Variants in SLC25A21 observed in about 807,000 individuals in gnomAD.
SLC25A21 encodes the protein mitochondrial 2-oxodicarboxylate carrier.
SLC25A21 carries 47 observed loss-of-function variants against 43.8 expected under a neutral mutation model. The observed-to-expected ratio is 1.07, with a 90% CI of 0.85 to 1.37. SLC25A21 has a LOEUF of 1.37. SLC25A21 is among the 40% of genes most tolerant of loss of function. The probability of loss-of-function intolerance (pLI) is 0.00; values close to 1 mark genes in which losing one functional copy is unlikely to be tolerated. For synonymous variants in SLC25A21, 131 were observed against 121.3 expected, an observed-to-expected ratio of 1.08 and a Z score of -0.52; for missense variants, 352 against 350.2, an observed-to-expected ratio of 1.00 and a Z score of -0.04.
intron 1 of SLC25A21, among the ~76,000 whole-genome samples, chr14:37,013,151 G>A (rs1273877495): frequency 6.6e-6 from 1 of 152,194 alleles, no homozygotes; most frequent in East Asian, 1.9e-4. Context: ...GAGAAATGCT[G>A]TTCTATGGGT....
At chr14:36,885,175 G>C (rs1890878527) in intron 1 of SLC25A21, among the ~76,000 whole-genome samples, 1 of 152,158 alleles carries the variant, frequency 6.6e-6, no homozygotes. Context: ...TCACTGTTCT[G>C]CACGTGGATA....
At chr14:36,686,352 C>G (rs1398031598) in intron 7 of SLC25A21, among the ~76,000 whole-genome samples, 2 of 152,106 alleles carry the variant, frequency 1.3e-5, no homozygotes, top group African/African-American at 2.4e-5. Context: ...CCTCTCCCCC[C>G]ATTTTTTCTC....
At chr14:37,087,372 C>T (rs1293593708) in intron 1 of SLC25A21, among the ~76,000 whole-genome samples, 1 of 152,126 alleles carries the variant, frequency 6.6e-6, no homozygotes, top group African/African-American at 2.4e-5. Context: ...AACTCAAGTT[C>T]CTTTTGGAGA....
At chr14:36,961,724 C>T (rs973752134) in intron 1 of SLC25A21, among the ~76,000 whole-genome samples, 14 of 152,076 alleles carry the variant, frequency 9.2e-5, no homozygotes, top group African/African-American at 3.1e-4. Flanking sequence ...AAATATAGGT[C>T]CTTTCAGAGT....
rs531549836 is a variant in SLC25A21, at chr14:37,125,859, A to C, written c.70+46422T>G. 2.0e-5 allele frequency among the ~76,000 whole-genome samples: 3 copies of C among 152,298 alleles called. No individual in the cohort carries two copies. In the East Asian group the frequency reaches 5.8e-4, roughly 29 times the overall value. On this transcript the variant is annotated intron_variant, in intron 1 of 9. Coordinates refer to ENST00000331299, the MANE Select transcript of SLC25A21 (RefSeq NM_030631.4). The stretch of plus-strand genomic sequence containing the variant: ...GCTGTGGCAAGATTTCATTGTACTG[A>C]GTAAGTGTCAAAAGGAATCCCAGGT...
At chr14:37,166,180 C>A (rs1007339232) in intron 1 of SLC25A21, among the ~76,000 whole-genome samples, 1 of 152,204 alleles carries the variant, frequency 6.6e-6, no homozygotes, top group African/African-American at 2.4e-5. Flanking sequence ...GCTCTCATGT[C>A]CAGATCCCTT....
At chr14:36,915,879 G>C (rs2138617749) in intron 1 of SLC25A21, among the ~76,000 whole-genome samples, 1 of 152,222 alleles carries the variant, frequency 6.6e-6, no homozygotes, top group South Asian at 2.1e-4. Flanking sequence ...GACCCTGAAG[G>C]ACATGGCCCT....
chr14:36,954,697 A>T (rs1566767553), intron 1 of SLC25A21, among the ~76,000 whole-genome samples: 1 of 152,184 alleles, frequency 6.6e-6, no homozygotes, highest in South Asian at 2.1e-4. Flanking sequence ...ACACAAAAAA[A>T]TGATAAATAT....
At chr14:36,819,386 A>T (rs1287763548) in intron 2 of SLC25A21, among the ~76,000 whole-genome samples, 2 of 150,324 alleles carry the variant, frequency 1.3e-5, no homozygotes, top group East Asian at 3.9e-4. Context: ...TAATTGAAGC[A>T]TTTTTTTTTT....
chr14:37,119,635 T>C lies in SLC25A21; in HGVS notation c.70+52646A>G, dbSNP rs552575565. 5.3e-5 allele frequency among the ~76,000 whole-genome samples: 8 copies of C among 152,308 alleles called. No individual in the cohort carries two copies. The East Asian group carries it at 1.5e-3, about 29-fold the overall frequency. On this transcript the variant is annotated intron_variant, in intron 1 of 9. Transcript: ENST00000331299. ...GCAGCCCACGCCGCTGCTCTGCCTA[T>C]GGAGTAGCCACTATTTATTCCTTTA...
intron 7 of SLC25A21, among the ~76,000 whole-genome samples, chr14:36,689,100 A>G (rs774722358): frequency 6.6e-6 from 1 of 152,254 alleles, no homozygotes; most frequent in Non-Finnish European, 1.5e-5. Context: ...CTGGACTTAC[A>G]GTTCCACATG....
intron 1 of SLC25A21, among the ~76,000 whole-genome samples, chr14:36,888,438 C>T (rs1039323031): frequency 4.6e-5 from 7 of 152,012 alleles, no homozygotes. Flanking sequence ...CTCTACTGTG[C>T]AGAAGTTTCT....
chr14:36,959,777 T>C (rs1412198157), intron 1 of SLC25A21, among the ~76,000 whole-genome samples: 1 of 152,170 alleles, frequency 6.6e-6, no homozygotes, highest in Non-Finnish European at 1.5e-5. Context: ...TTTGTAATAA[T>C]ATTATCAGCA....
Position 36,734,573 on chromosome 14 carries a change from C to A in SLC25A21, c.204G>T (p.Gly68=). The change falls in exon 4 of 10, where the codon GGG becomes GGT. Residue 68 remains glycine, a splice_region_variant and synonymous_variant. Transcript: ENST00000331299. ...GAATTCCCTTGTAAAAACCAAATAA[C>A]CTGTTGGAGAAATAAAAGATTTCCT... ...DSFRMIFQME[G]LFGFYKGILP... is the part of the protein sequence containing the mutation. 1.9e-6 allele frequency: 3 copies of A among 1,600,332 alleles called. No individual in the cohort carries two copies. The highest frequency in any genetic ancestry group is 1.1e-5 in the South Asian group (1 of 88,540).
intron 1 of SLC25A21, among the ~76,000 whole-genome samples, chr14:37,089,657 C>T (rs1962548276): frequency 6.6e-6 from 1 of 152,148 alleles, no homozygotes; most frequent in Non-Finnish European, 1.5e-5. Context: ...GGCCACGGAT[C>T]TTTTGTCACA....
At chr14:36,932,042 T>C (rs1892309795) in intron 1 of SLC25A21, among the ~76,000 whole-genome samples, 1 of 152,136 alleles carries the variant, frequency 6.6e-6, no homozygotes, top group African/African-American at 2.4e-5. Context: ...ATTCTCTGTG[T>C]GATCCCAAAG....
At chr14:36,967,759 G>A (rs1026197553) in intron 1 of SLC25A21, among the ~76,000 whole-genome samples, 4 of 152,220 alleles carry the variant, frequency 2.6e-5, no homozygotes, top group Non-Finnish European at 5.9e-5. Flanking sequence ...AAGATTGACA[G>A]CACACTCCCT....
intron 1 of SLC25A21, among the ~76,000 whole-genome samples, chr14:36,933,472 C>T (rs1393393115): frequency 2.6e-5 from 4 of 151,664 alleles, no homozygotes; most frequent in African/African-American, 9.7e-5. Context: ...GAGAGGTCAA[C>T]TGTGATGAAA....
intron 3 of SLC25A21, among the ~76,000 whole-genome samples, chr14:36,802,576 C>A (rs1887903470): frequency 6.6e-6 from 1 of 152,228 alleles, no homozygotes; most frequent in African/African-American, 2.4e-5. Context: ...CCAAAACTTC[C>A]AAGTGGAATT....
Sources: allele counts gnomAD v4.1 joint callset (sites outside exome capture counted in the v4.1 genomes callset), GRCh38; gene constraint gnomAD v4.1.1; transcripts MANE v1.5; gene names NCBI Gene and HGNC (gene_info 2026-07-23, HGNC 2026-07-21).